The following CADM2 variants were observed in gnomAD, a reference collection of about 807,000 sequenced individuals.
CADM2 encodes the protein cell adhesion molecule 2.
In CADM2, 12 loss-of-function variants were observed where a neutral mutation model predicts 49.8. The ratio of observed to expected loss-of-function variants is 0.24; its 90% CI spans 0.15 to 0.39. The LOEUF (loss-of-function observed/expected upper bound fraction) is 0.39. Ranked by LOEUF, CADM2 falls within the 10% of genes least tolerant of loss-of-function variation. The pLI is 1.00. For synonymous variants in CADM2, 214 were observed against 175.4 expected (o/e 1.22, Z -1.74); for missense variants, 378 against 492.3 (o/e 0.77, Z 2.20).
At chr3:85,916,804 T>C (rs1577655947) in intron 6 of CADM2, among the ~76,000 whole-genome samples, 1 of 152,002 alleles carries the variant, frequency 6.6e-6, no homozygotes, top group Admixed American at 6.6e-5. Context: ...TAAAAGTGTT[T>C]CTATTTCTCC....
chr3:85,069,524 C>G (rs1404456651), intron 1 of CADM2, among the ~76,000 whole-genome samples: 1 of 151,996 alleles, frequency 6.6e-6, no homozygotes, highest in Non-Finnish European at 1.5e-5. Flanking sequence ...AATATTTTCC[C>G]TATTAGGTGT....
At chr3:85,400,286 C>G (rs959501220) in intron 1 of CADM2, among the ~76,000 whole-genome samples, 1 of 152,088 alleles carries the variant, frequency 6.6e-6, no homozygotes, top group African/African-American at 2.4e-5. Context: ...GCCTTGCATC[C>G]CAGGGACGAA....
chr3:85,877,684 G>GTTTTTTTTTTTT (rs368101272), intron 3 of CADM2, among the ~76,000 whole-genome samples: 284 of 111,876 alleles, frequency 2.5e-3, no homozygotes, highest in East Asian at 3.5e-3. Context: ...TTTTTCTTCT[G>GTTTTTTTTTTTT]TTTTTTTTTT....
intron 1 of CADM2, among the ~76,000 whole-genome samples, chr3:85,696,717 T>G (rs1195852831): frequency 6.6e-6 from 1 of 152,018 alleles, no homozygotes; most frequent in African/African-American, 2.4e-5. Flanking sequence ...AAATGTATTC[T>G]TAGAGTTGTC....
intron 1 of CADM2, among the ~76,000 whole-genome samples, chr3:85,295,196 A>G (rs1270682149): frequency 6.6e-6 from 1 of 152,226 alleles, no homozygotes; most frequent in Non-Finnish European, 1.5e-5. Flanking sequence ...AAAAATGCTC[A>G]TCATCACTGG....
At chr3:85,067,265 C>A (rs970648634) in intron 1 of CADM2, among the ~76,000 whole-genome samples, 2 of 150,804 alleles carry the variant, frequency 1.3e-5, no homozygotes, top group Non-Finnish European at 2.9e-5. Context: ...GGAAGTAATG[C>A]ACATCTAATT....
intron 6 of CADM2, among the ~76,000 whole-genome samples, chr3:85,927,401 T>C (rs113727206): frequency 1.4e-4 from 22 of 152,260 alleles, no homozygotes; most frequent in African/African-American, 4.8e-4. Flanking sequence ...ATACCTGATC[T>C]TGAGGGACCG....
chr3:85,518,085 C>G (rs552056462), intron 1 of CADM2, among the ~76,000 whole-genome samples: 1 of 152,238 alleles, frequency 6.6e-6, no homozygotes, highest in South Asian at 2.1e-4. Context: ...CAGCTCACTG[C>G]GATCTCTGCC....
chr3:86,066,004 T>C (rs781073040), intron 9 of CADM2, among the ~76,000 whole-genome samples: 6 of 152,114 alleles, frequency 3.9e-5, no homozygotes, highest in Non-Finnish European at 5.9e-5. Context: ...GTTTGTAATT[T>C]ATATCTAGAA....
chr3:85,367,333 A>G (rs2032860536), intron 1 of CADM2, among the ~76,000 whole-genome samples: 2 of 152,050 alleles, frequency 1.3e-5, no homozygotes, highest in Non-Finnish European at 2.9e-5. Flanking sequence ...GAAGGAATGC[A>G]AACGAAATAG....
chr3:85,051,332 T>C (rs2035874952), intron 1 of CADM2, among the ~76,000 whole-genome samples: 2 of 152,318 alleles, frequency 1.3e-5, no homozygotes, highest in South Asian at 2.1e-4. Context: ...ACCATATGAC[T>C]AACTGTAGAT....
intron 1 of CADM2, among the ~76,000 whole-genome samples, chr3:85,093,897 G>C (rs1386803304): frequency 6.6e-6 from 1 of 152,026 alleles, no homozygotes; most frequent in African/African-American, 2.4e-5. Flanking sequence ...CCATTCCTGT[G>C]GGATGGCTGA....
chr3:85,881,365 A>G (rs1712742267), intron 3 of CADM2, among the ~76,000 whole-genome samples: 2 of 152,128 alleles, frequency 1.3e-5, no homozygotes, highest in African/African-American at 4.8e-5. Context: ...AAAAATTTCA[A>G]TATTTGATTC....
chr3:85,212,834 C>CTTTCT (rs1479655920), intron 1 of CADM2, among the ~76,000 whole-genome samples: 1 of 106,308 alleles, frequency 9.4e-6, no homozygotes, highest in East Asian at 2.4e-4. Context: ...TTCTTTCTTT[C>CTTTCT]TTTCTTTCTT....
chr3:85,299,333 A>T (rs1444613845), intron 1 of CADM2, among the ~76,000 whole-genome samples: 1 of 152,094 alleles, frequency 6.6e-6, no homozygotes, highest in Non-Finnish European at 1.5e-5. Context: ...TAATTACATC[A>T]TCAAGTATTT....
intron 3 of CADM2, among the ~76,000 whole-genome samples, chr3:85,817,822 T>G (rs1015399542): frequency 2.6e-5 from 4 of 150,966 alleles, no homozygotes; most frequent in African/African-American, 9.7e-5. Flanking sequence ...CAAAAACAAA[T>G]AAACAAACAA....
intron 1 of CADM2, among the ~76,000 whole-genome samples, chr3:85,439,664 C>G (rs2037104717): frequency 6.6e-6 from 1 of 151,948 alleles, no homozygotes; most frequent in African/African-American, 2.4e-5. Flanking sequence ...GTTTCATCAT[C>G]CAGTATGCCA....
At chr3:85,325,506 C>T (rs898896453) in intron 1 of CADM2, among the ~76,000 whole-genome samples, 4 of 152,002 alleles carry the variant, frequency 2.6e-5, no homozygotes, top group African/African-American at 9.7e-5. Context: ...GGTCAAGCGT[C>T]TGAGACCAGG....
At chr3:85,928,161 T>C (rs2108519705) in intron 6 of CADM2, among the ~76,000 whole-genome samples, 1 of 147,038 alleles carries the variant, frequency 6.8e-6, no homozygotes, top group South Asian at 2.1e-4. Context: ...AAGAAGAATT[T>C]TTTTTTTTTT....
Sources: gnomAD v4.1 joint callset for allele counts (sites outside exome capture counted in the v4.1 genomes callset) on GRCh38, gnomAD v4.1.1 for gene constraint, MANE v1.5 for transcripts, NCBI Gene and HGNC (gene_info 2026-07-23, HGNC 2026-07-21) for gene names.